Variants in NEGR1 observed in about 807,000 individuals in gnomAD.
NEGR1 encodes the protein IgLON family member 4.
Under a neutral mutation model 40.9 loss-of-function variants are expected in NEGR1, and 10 were observed. The observed-to-expected ratio is 0.24, with a 90% CI of 0.15 to 0.42. NEGR1 has a LOEUF of 0.42. Among genes scored for constraint, NEGR1 ranks in the 10% least tolerant of loss-of-function variants. NEGR1 has a pLI of 1.00. For synonymous variants in NEGR1, 185 were observed against 166.8 expected (o/e 1.11, Z -0.84); for missense variants, 352 against 438.9 (o/e 0.80, Z 1.77).
At chr1:72,135,755 T>C (rs1650439937) in intron 1 of NEGR1, among the ~76,000 whole-genome samples, 1 of 152,154 alleles carries the variant, frequency 6.6e-6, no homozygotes, top group African/African-American at 2.4e-5. Context: ...AGTCCAGGAA[T>C]TTCAGGCAAC....
At chr1:71,671,366 G>A (rs1397800681) in intron 4 of NEGR1, among the ~76,000 whole-genome samples, 1 of 151,968 alleles carries the variant, frequency 6.6e-6, no homozygotes, top group African/African-American at 2.4e-5. Flanking sequence ...ATCTTTGAGG[G>A]GTAAACAGGG....
intron 6 of NEGR1, among the ~76,000 whole-genome samples, chr1:71,527,307 A>G (rs1370405505): frequency 6.6e-6 from 1 of 151,392 alleles, no homozygotes; most frequent in African/African-American, 2.4e-5. Flanking sequence ...CCCAACTTCC[A>G]CCAGTTTCCC....
intron 4 of NEGR1, among the ~76,000 whole-genome samples, chr1:71,691,217 GT>G (rs1234395395): frequency 6.6e-6 from 1 of 151,824 alleles, no homozygotes; most frequent in Non-Finnish European, 1.5e-5. Context: ...AAAAATTCAT[GT>G]ATTCTTTAAC....
chr1:71,594,319 T>C (rs1434841149), intron 5 of NEGR1, among the ~76,000 whole-genome samples: 1 of 152,208 alleles, frequency 6.6e-6, no homozygotes, highest in African/African-American at 2.4e-5. Context: ...TTCAAGTTTT[T>C]GTATTTTTTT....
chr1:71,731,227 A>G (rs1403037957), intron 3 of NEGR1, among the ~76,000 whole-genome samples: 1 of 152,092 alleles, frequency 6.6e-6, no homozygotes, highest in Non-Finnish European at 1.5e-5. Flanking sequence ...TTCTCCTCTC[A>G]TTTTTGAAAA....
At chr1:71,527,823 A>T (rs1647240115) in intron 6 of NEGR1, among the ~76,000 whole-genome samples, 1 of 151,420 alleles carries the variant, frequency 6.6e-6, no homozygotes, top group African/African-American at 2.4e-5. Context: ...TGCTAGCATA[A>T]AAAGTATTTT....
At chr1:72,241,012 G>A (rs2100513920) in intron 1 of NEGR1, among the ~76,000 whole-genome samples, 1 of 151,878 alleles carries the variant, frequency 6.6e-6, no homozygotes, top group Middle Eastern at 3.4e-3. Context: ...CAGGATTAAA[G>A]TCCCAGGATG....
At chr1:71,764,719 T>C (rs1005173485) in intron 3 of NEGR1, among the ~76,000 whole-genome samples, 1 of 152,196 alleles carries the variant, frequency 6.6e-6, no homozygotes, top group Non-Finnish European at 1.5e-5. Context: ...TCATAAAAGC[T>C]GATCCTCTTA....
chr1:71,723,677 A>G (rs1654582696), intron 3 of NEGR1, among the ~76,000 whole-genome samples: 1 of 152,058 alleles, frequency 6.6e-6, no homozygotes, highest in Non-Finnish European at 1.5e-5. Flanking sequence ...ATCGTTTATA[A>G]TAAATTGAAG....
chr1:71,618,258 C>G (rs184166085), intron 4 of NEGR1, among the ~76,000 whole-genome samples: 2 of 152,142 alleles, frequency 1.3e-5, no homozygotes, highest in Non-Finnish European at 2.9e-5. Context: ...AATGGATCTG[C>G]GACCCATTTG....
chr1:72,137,878 T>G (rs1650528068), intron 1 of NEGR1, among the ~76,000 whole-genome samples: 2 of 152,050 alleles, frequency 1.3e-5, no homozygotes, highest in Non-Finnish European at 2.9e-5. Context: ...TTGTCAAAAC[T>G]ATGTAAGGCA....
chr1:71,656,733 T>C (rs1651890661), intron 4 of NEGR1, among the ~76,000 whole-genome samples: 2 of 152,202 alleles, frequency 1.3e-5, no homozygotes. Context: ...ACTTTTATTG[T>C]TGAGCTTCTA....
intron 1 of NEGR1, among the ~76,000 whole-genome samples, chr1:72,029,447 A>G (rs1288244804): frequency 1.3e-5 from 2 of 152,214 alleles, no homozygotes; most frequent in Non-Finnish European, 2.9e-5. Context: ...TGAAATAGCT[A>G]TGTGAACTGT....
intron 2 of NEGR1, among the ~76,000 whole-genome samples, chr1:71,795,894 G>T (rs1657307891): frequency 1.3e-5 from 2 of 152,078 alleles, no homozygotes; most frequent in African/African-American, 2.4e-5. Context: ...AAAATATACT[G>T]TGAAATACAG....
intron 1 of NEGR1, among the ~76,000 whole-genome samples, chr1:71,999,861 G>C (rs1646542484): frequency 6.6e-6 from 1 of 150,542 alleles, no homozygotes; most frequent in Non-Finnish European, 1.5e-5. Context: ...AGAACATTTT[G>C]CTTCTATTTT....
intron 3 of NEGR1, among the ~76,000 whole-genome samples, chr1:71,729,848 G>A (rs1192913226): frequency 7.0e-6 from 1 of 142,314 alleles, no homozygotes; most frequent in African/African-American, 2.6e-5. Flanking sequence ...TTGGTTTTTG[G>A]TTTTTTTTTT....
chr1:71,785,149 T>G (rs1372820823), intron 2 of NEGR1, among the ~76,000 whole-genome samples: 3 of 152,186 alleles, frequency 2.0e-5, no homozygotes, highest in Non-Finnish European at 4.4e-5. Flanking sequence ...AAAACACTGC[T>G]TAAAATCAGG....
At chr1:72,007,279 T>A (rs758144122) in intron 1 of NEGR1, among the ~76,000 whole-genome samples, 3 of 152,168 alleles carry the variant, frequency 2.0e-5, no homozygotes, top group Non-Finnish European at 4.4e-5. Context: ...AGTTTGAAGT[T>A]CTTTTTTGAA....
At chr1:71,861,926 T>G (rs1286367458) in intron 2 of NEGR1, among the ~76,000 whole-genome samples, 2 of 152,070 alleles carry the variant, frequency 1.3e-5, no homozygotes, top group African/African-American at 4.8e-5. Flanking sequence ...TTAAAAAAAA[T>G]CACACCATCT....
Sources: gnomAD v4.1 joint callset for allele counts (sites outside exome capture counted in the v4.1 genomes callset) on GRCh38, gnomAD v4.1.1 for gene constraint, MANE v1.5 for transcripts, NCBI Gene and HGNC (gene_info 2026-07-23, HGNC 2026-07-21) for gene names.